Variants in GALNT18 observed in about 807,000 individuals in gnomAD.
The protein encoded by GALNT18 is polypeptide N-acetylgalactosaminyltransferase 18.
GALNT18 carries 44 observed loss-of-function variants against 69.5 expected under a neutral mutation model. That is an observed-to-expected ratio of 0.63 (90% CI 0.50 to 0.81). The LOEUF is 0.81. Among genes scored for constraint, GALNT18 ranks in the 40% least tolerant of loss-of-function variants. The probability of loss-of-function intolerance (pLI) is 0.00; values close to 1 mark genes in which losing one functional copy is unlikely to be tolerated. For synonymous variants in GALNT18, 364 were observed against 318.2 expected (o/e 1.14, Z -1.53); for missense variants, 715 against 810.0 (o/e 0.88, Z 1.42).
chr11:11,379,493 T>A (rs186324939), intron 3 of GALNT18, among the ~76,000 whole-genome samples: 1 of 152,204 alleles, frequency 6.6e-6, no homozygotes, highest in Non-Finnish European at 1.5e-5. Context: ...GGTCCAGCAA[T>A]GCACAGGGTC....
In GALNT18 at chr11:11,444,291, A is replaced by T. The variant is rs116309153; in HGVS notation, c.428+4453T>A. Among the ~76,000 whole-genome samples the T allele has an allele frequency of 6.6e-6, 1 of 152,040 alleles. No individual in the cohort carries two copies. The highest frequency in any genetic ancestry group is 1.5e-5 in the Non-Finnish European group (1 of 68,030). On this transcript the variant is annotated intron_variant, in intron 2 of 10. Coordinates refer to ENST00000227756, the MANE Select transcript of GALNT18 (RefSeq NM_198516.3). The surrounding 1 kb of genome is among the most constrained non-coding windows in gnomAD (Gnocchi z 4.4). Reference sequence around the variant, plus strand: ...TCCCTGCCACAGAGGCACCAGAGGGACAGTGCTTCTGTGACCATCACATCC... The same window carrying T: ...TCCCTGCCACAGAGGCACCAGAGGGTCAGTGCTTCTGTGACCATCACATCC...
At chr11:11,578,952 G>A (rs1859000413) in intron 1 of GALNT18, among the ~76,000 whole-genome samples, 1 of 152,206 alleles carries the variant, frequency 6.6e-6, no homozygotes, top group South Asian at 2.1e-4. Context: ...AAACCCAAAA[G>A]GGATGGGGTG....
intron 1 of GALNT18, among the ~76,000 whole-genome samples, chr11:11,481,651 T>C (rs1446417118): frequency 2.0e-5 from 3 of 151,964 alleles, no homozygotes; most frequent in African/African-American, 7.3e-5. Flanking sequence ...TAGACACCAA[T>C]GGAAAGAGAA....
chr11:11,271,192 C>T lies in GALNT18; in HGVS notation c.1776G>A (p.Ser592=), dbSNP rs140917604. ...FGFQLVLQKC[S]GQHWSITNVL... ...CGTTGGTGATGCTCCAGTGCTGGCC[C>T]GAGCACTTCTGCAACACCAGCTGGA... Residue 592 remains serine, a synonymous_variant, in exon 11 of 11, where the codon TCG becomes TCA. Coordinates refer to ENST00000227756, the MANE Select transcript of GALNT18 (RefSeq NM_198516.3). The T allele has an allele frequency of 2.2e-5, 35 of 1,613,966 alleles. No homozygotes were observed. Among genetic ancestry groups the T allele is most frequent in the African/African-American group, 6.7e-5 (5 of 74,922 alleles).
At chr11:11,406,186 C>T (rs1338680690) in intron 3 of GALNT18, among the ~76,000 whole-genome samples, 2 of 152,150 alleles carry the variant, frequency 1.3e-5, no homozygotes, top group Non-Finnish European at 2.9e-5. Flanking sequence ...AAAATAATAG[C>T]CATATTTTCC....
At chr11:11,519,258 G>A (rs1857343906) in intron 1 of GALNT18, among the ~76,000 whole-genome samples, 1 of 152,206 alleles carries the variant, frequency 6.6e-6, no homozygotes, top group Non-Finnish European at 1.5e-5. Flanking sequence ...TACAAAGGCA[G>A]ACAGTATTAA....
chr11:11,514,718 G>C (rs1167458670), intron 1 of GALNT18, among the ~76,000 whole-genome samples: 1 of 152,192 alleles, frequency 6.6e-6, no homozygotes, highest in Non-Finnish European at 1.5e-5. Flanking sequence ...TGCTGGTAGA[G>C]GGACTGGAGG....
rs1171323726 is a variant in GALNT18 at position 11,402,012 on chromosome 11, G to T, written c.596-22748C>A. On this transcript the variant is annotated intron_variant, in intron 3 of 10. Transcript: ENST00000227756. This position sits in a 1 kb window ranked among gnomAD's most constrained non-coding sequence, Gnocchi z 4.0. ...AGAAAAGTTTGCCAAGTGGACAAAGGTGAGACAAATCCTTCTAGTTAGAGG... is the reference window on the plus strand; with the variant it reads ...AGAAAAGTTTGCCAAGTGGACAAAGTTGAGACAAATCCTTCTAGTTAGAGG... 3.9e-5 allele frequency among the ~76,000 whole-genome samples: 6 copies of T among 152,230 alleles called. No individual in the cohort carries two copies. The highest frequency in any genetic ancestry group is 1.2e-4 in the African/African-American group (5 of 41,464).
rs1482113361 is a variant in GALNT18, at chr11:11,621,435, C to T, written c.159G>A (p.Glu53=). 2 of 1,614,188 alleles carry T rather than the reference C, an allele frequency of 1.2e-6. No individual in the cohort carries two copies. The highest frequency in any genetic ancestry group is 1.7e-5 in the Admixed American group (1 of 60,032). Residue 53 remains glutamate, a synonymous_variant, in exon 1 of 11, where the codon GAG becomes GAA. Transcript: ENST00000227756. The surrounding 1 kb of genome is among the most constrained non-coding windows in gnomAD (Gnocchi z 9.3). ...GQEPAPDKKL[E]EDKGDTLKII... is the part of the protein sequence containing the mutation. ...TCTTCAGAGTGTCCCCTTTGTCTTCCTCCAGCTTCTTGTCGGGCGCCGGCT... is the reference window on the plus strand; with the variant it reads ...TCTTCAGAGTGTCCCCTTTGTCTTCTTCCAGCTTCTTGTCGGGCGCCGGCT...
intron 10 of GALNT18, among the ~76,000 whole-genome samples, chr11:11,273,843 G>A (rs1186654603): frequency 6.6e-6 from 1 of 152,156 alleles, no homozygotes; most frequent in Non-Finnish European, 1.5e-5. Context: ...ATATACACAG[G>A]ATGGAATAAT....
rs559701020 is a variant in GALNT18, at chr11:11,478,852, G to T, written c.236-29916C>A. Among the ~76,000 whole-genome samples the T allele has an allele frequency of 1.1e-4, 17 of 152,176 alleles. No homozygotes were observed. In the South Asian group the frequency reaches 2.1e-3, roughly 19 times the overall value. On this transcript the variant is annotated intron_variant, in intron 1 of 10. Coordinates refer to ENST00000227756, the MANE Select transcript of GALNT18 (RefSeq NM_198516.3). ...CAACAGGAGGCACTGAAGAGAGATG[G>T]GGGCGGGGGAGGGGAGAAGCCTAGG...
chr11:11,421,203 G>T lies in GALNT18; in HGVS notation c.595+11418C>A, dbSNP rs192080460. Among the ~76,000 whole-genome samples the T allele has an allele frequency of 2.2e-4, 31 of 139,108 alleles. No individual in the cohort carries two copies. Among genetic ancestry groups the T allele is most frequent in the African/African-American group, 7.7e-4 (28 of 36,180 alleles). The allele number at this position is 139,108 out of a possible 152,430, so 91.3% of individuals were successfully genotyped here. Reference sequence around the variant, plus strand: ...CTGCCAGGCTCAGGCAGCTTCAGCGGTGCAGCATGTTGGGACCTCAGCAGA... The same window carrying T: ...CTGCCAGGCTCAGGCAGCTTCAGCGTTGCAGCATGTTGGGACCTCAGCAGA... On this transcript the variant is annotated intron_variant, in intron 3 of 10. Coordinates refer to ENST00000227756, the MANE Select transcript of GALNT18 (RefSeq NM_198516.3). The surrounding 1 kb of genome is among the most constrained non-coding windows in gnomAD (Gnocchi z 5.6).
At chr11:11,581,333 T>C (rs1469101463) in intron 1 of GALNT18, among the ~76,000 whole-genome samples, 2 of 152,180 alleles carry the variant, frequency 1.3e-5, no homozygotes, top group Non-Finnish European at 2.9e-5. Flanking sequence ...TTCATTTTCA[T>C]CCGGGTACAC....
intron 3 of GALNT18, among the ~76,000 whole-genome samples, chr11:11,397,254 G>A (rs1252965616): frequency 6.6e-6 from 1 of 152,152 alleles, no homozygotes; most frequent in East Asian, 1.9e-4. Flanking sequence ...TCTTTTCACA[G>A]TGCCTGCTTG....
chr11:11,483,220 G>T (rs879456049), intron 1 of GALNT18, among the ~76,000 whole-genome samples: 13 of 152,120 alleles, frequency 8.5e-5, no homozygotes, highest in Admixed American at 8.5e-4. Flanking sequence ...GTCCTCCTTT[G>T]CCAGCTCTAC....
At chr11:11,434,535 G>C (rs1855354541) in intron 2 of GALNT18, among the ~76,000 whole-genome samples, 1 of 152,186 alleles carries the variant, frequency 6.6e-6, no homozygotes, top group Admixed American at 6.5e-5. Flanking sequence ...AGAAACTCTA[G>C]GCAAGAGAAT....
intron 6 of GALNT18, among the ~76,000 whole-genome samples, chr11:11,367,594 T>C (rs1231017669): frequency 1.3e-5 from 2 of 152,134 alleles, no homozygotes; most frequent in Admixed American, 1.3e-4. Flanking sequence ...GACACCACGG[T>C]GGGGCACTGG....
chr11:11,552,416 CT>C (rs1433842471), intron 1 of GALNT18, among the ~76,000 whole-genome samples: 3 of 152,236 alleles, frequency 2.0e-5, no homozygotes, highest in Non-Finnish European at 4.4e-5. Context: ...AGACCAAGAG[CT>C]TCTGGAAGGC....
chr11:11,352,358 T>C, intron 6 of GALNT18: 2 of 1,614,156 alleles, frequency 1.2e-6, no homozygotes, highest in Non-Finnish European at 1.7e-6. Flanking sequence ...TATAGCCATA[T>C]AAATCTTCTG....
Sources: allele counts gnomAD v4.1 joint callset (sites outside exome capture counted in the v4.1 genomes callset), GRCh38; gene constraint gnomAD v4.1.1; non-coding constraint Gnocchi (gnomAD v3.1); transcripts MANE v1.5; gene names NCBI Gene and HGNC (gene_info 2026-07-23, HGNC 2026-07-21).